Variants in PDE1C observed in about 807,000 individuals in gnomAD.
PDE1C encodes phosphodiesterase 1C, also known as dual specificity calcium/calmodulin-dependent 3',5'-cyclic nucleotide phosphodiesterase 1C.
In PDE1C, 62 loss-of-function variants were observed where a neutral mutation model predicts 93.1. The ratio of observed to expected loss-of-function variants is 0.67; its 90% CI spans 0.54 to 0.82. The LOEUF is 0.82. Among genes scored for constraint, PDE1C ranks in the 40% least tolerant of loss-of-function variants. The probability of loss-of-function intolerance (pLI) is 0.00; values close to 1 mark genes in which losing one functional copy is unlikely to be tolerated. For synonymous variants in PDE1C, 325 were observed against 310.1 expected (o/e 1.05, Z -0.50); for missense variants, 742 against 884.6 (o/e 0.84, Z 2.04).
At chr7:32,376,868 T>C (rs1784441433) in intron 1 of PDE1C, among the ~76,000 whole-genome samples, 1 of 152,140 alleles carries the variant, frequency 6.6e-6, no homozygotes, top group Non-Finnish European at 1.5e-5. Context: ...TTTGTATTTT[T>C]TGTAGGGACG....
intron 1 of PDE1C, among the ~76,000 whole-genome samples, chr7:32,275,215 C>G (rs1562641614): frequency 6.6e-6 from 1 of 152,130 alleles, no homozygotes; most frequent in Non-Finnish European, 1.5e-5. Flanking sequence ...GATGCCTTTT[C>G]TACTGCTAGC....
chr7:32,358,786 A>C (rs1784077931), intron 1 of PDE1C, among the ~76,000 whole-genome samples: 1 of 152,152 alleles, frequency 6.6e-6, no homozygotes, highest in Non-Finnish European at 1.5e-5. Context: ...TATAGTTGGC[A>C]AATAGCAAAG....
chr7:31,669,137 C>CAA, the PDE1C span, among the ~76,000 whole-genome samples: 52 of 152,284 alleles, frequency 3.4e-4, no homozygotes, highest in East Asian at 8.1e-3. Context: ...AGTAGTCTGG[C>CAA]TACCTTGTTG....
intron 3 of PDE1C, among the ~76,000 whole-genome samples, chr7:32,103,132 G>C (rs1217427286): frequency 6.6e-6 from 1 of 152,106 alleles, no homozygotes; most frequent in African/African-American, 2.4e-5. Flanking sequence ...ACTATCTCAT[G>C]CAATATCCTA....
At chr7:31,969,084 G>A (rs1810498978) in intron 2 of PDE1C, among the ~76,000 whole-genome samples, 1 of 152,138 alleles carries the variant, frequency 6.6e-6, no homozygotes, top group Non-Finnish European at 1.5e-5. Context: ...AGGATTCCAG[G>A]TCTAAAACAC....
chr7:31,986,715 G>A (rs1783438018), intron 2 of PDE1C, among the ~76,000 whole-genome samples: 1 of 152,114 alleles, frequency 6.6e-6, no homozygotes, highest in Non-Finnish European at 1.5e-5. Context: ...AAGAGGCAAG[G>A]AAGGTTCTTC....
chr7:31,790,141 C>A, intron 16 of PDE1C: 1 of 1,589,456 alleles, frequency 6.3e-7, no homozygotes, highest in South Asian at 1.2e-5. Flanking sequence ...TACACCTTCT[C>A]CAGATATGGG....
the PDE1C span, among the ~76,000 whole-genome samples, chr7:31,632,722 C>T: frequency 5.3e-5 from 8 of 152,070 alleles, no homozygotes; most frequent in African/African-American, 1.4e-4. Context: ...TTGGTCAGAC[C>T]GTCATCCCTA....
chr7:31,654,068 A>T, the PDE1C span, among the ~76,000 whole-genome samples: 6 of 151,850 alleles, frequency 4.0e-5, no homozygotes, highest in Non-Finnish European at 8.8e-5. Context: ...AAAAAAAAAA[A>T]AAAACCAACA....
chr7:31,742,320 A>G, the PDE1C span, among the ~76,000 whole-genome samples: 1 of 152,218 alleles, frequency 6.6e-6, no homozygotes, highest in Non-Finnish European at 1.5e-5. Context: ...CCATTTGCTG[A>G]TGGCTGCCTA....
chr7:32,157,218 C>A (rs911839781), intron 3 of PDE1C, among the ~76,000 whole-genome samples: 7 of 148,972 alleles, frequency 4.7e-5, no homozygotes, highest in African/African-American at 1.8e-4. Context: ...TTCTCTTCAA[C>A]CCCCCTCCCT....
intron 15 of PDE1C, among the ~76,000 whole-genome samples, chr7:31,809,485 A>G (rs770960322): frequency 1.8e-4 from 27 of 152,044 alleles, no homozygotes; most frequent in Admixed American, 3.3e-4. Flanking sequence ...GTATGTTAAT[A>G]CCTACCTTAT....
chr7:31,962,264 C>A (rs1372387583), intron 2 of PDE1C, among the ~76,000 whole-genome samples: 2 of 152,220 alleles, frequency 1.3e-5, no homozygotes, highest in Admixed American at 1.3e-4. Flanking sequence ...ACCTTAGAAG[C>A]ACCTAAGTGC....
rs535038146 is a variant in PDE1C at position 32,274,276 on chromosome 7, C to T, written c.85+24375G>A. Reference sequence around the variant, plus strand: ...AAGCTAGAGTGCAGTGGCATGATCACAGCTCACTGCAGCCTTGAACTCCTG... The same window carrying T: ...AAGCTAGAGTGCAGTGGCATGATCATAGCTCACTGCAGCCTTGAACTCCTG... On this transcript the variant is annotated intron_variant, in intron 1 of 18. Coordinates refer to the PDE1C transcript ENST00000396193. Among the ~76,000 whole-genome samples, 16 of 150,728 alleles carry T rather than the reference C, an allele frequency of 1.1e-4. No individual in the cohort carries two copies. The South Asian group carries it at 3.2e-3, about 30-fold the overall frequency.
At chr7:31,929,976 C>A (rs1359645729) in intron 2 of PDE1C, among the ~76,000 whole-genome samples, 1 of 152,070 alleles carries the variant, frequency 6.6e-6, no homozygotes, top group Non-Finnish European at 1.5e-5. Context: ...ATCAAGGAAT[C>A]CAGGAGCTGT....
chr7:31,661,453 C>T, the PDE1C span, among the ~76,000 whole-genome samples: 1 of 152,284 alleles, frequency 6.6e-6, no homozygotes, highest in African/African-American at 2.4e-5. Context: ...TGGCTCACAC[C>T]TGTAATCCCA....
the PDE1C span, among the ~76,000 whole-genome samples, chr7:31,705,371 T>G: frequency 6.6e-6 from 1 of 152,204 alleles, no homozygotes; most frequent in Non-Finnish European, 1.5e-5. Context: ...TGGAAAATTT[T>G]GGGGCTCAGC....
At chr7:31,661,213 A>G in the PDE1C span, among the ~76,000 whole-genome samples, 2 of 152,154 alleles carry the variant, frequency 1.3e-5, no homozygotes, top group Admixed American at 6.5e-5. Flanking sequence ...TGAGCATCCA[A>G]TAAGCCACTG....
rs533401347 is a variant in PDE1C at position 32,312,717 on chromosome 7, C to T, written c.311-103178G>A. Among the ~76,000 whole-genome samples, 174 of 152,306 alleles carry T rather than the reference C, an allele frequency of 1.1e-3. 1 individual carries two copies. Among genetic ancestry groups the T allele is most frequent in the Middle Eastern group, 0.01 (3 of 294 alleles). On this transcript the variant is annotated intron_variant, in intron 1 of 1. Coordinates refer to the PDE1C transcript ENST00000672256. ...GCTAGCCATGTGTAGAAAGCTGAAA[C>T]TTGATCCCTTCCTTACACCTTACAC... is the stretch of plus-strand genomic sequence containing the variant.
Sources: allele counts gnomAD v4.1 joint callset (sites outside exome capture counted in the v4.1 genomes callset), GRCh38; gene constraint gnomAD v4.1.1; transcripts MANE v1.5; gene names NCBI Gene and HGNC (gene_info 2026-07-23, HGNC 2026-07-21).